The following FRMD3 variants were observed in gnomAD, a reference collection of about 807,000 sequenced individuals.
FRMD3 encodes the protein FERM domain-containing protein 3.
In FRMD3, 33 loss-of-function variants were observed where a neutral mutation model predicts 70.2. The ratio of observed to expected loss-of-function variants is 0.47; its 90% CI spans 0.36 to 0.63. FRMD3 has a LOEUF of 0.63. Ranked by LOEUF, FRMD3 falls within the 20% of genes least tolerant of loss-of-function variation. FRMD3 has a pLI of 0.00. For missense variants in FRMD3, 632 were observed against 711.4 expected, an observed-to-expected ratio of 0.89 and a Z score of 1.27; for synonymous variants, 279 against 255.9, an observed-to-expected ratio of 1.09 and a Z score of -0.86.
intron 3 of FRMD3, among the ~76,000 whole-genome samples, chr9:83,357,871 G>A (rs541159946): frequency 6.6e-6 from 1 of 152,206 alleles, no homozygotes; most frequent in African/African-American, 2.4e-5. Context: ...CCACTCTGTG[G>A]GTTGTCTGTT....
At chr9:83,306,867 G>T (rs1835154910) in intron 10 of FRMD3, among the ~76,000 whole-genome samples, 1 of 152,120 alleles carries the variant, frequency 6.6e-6, no homozygotes, top group African/African-American at 2.4e-5. Flanking sequence ...GTTTCCTTCT[G>T]GGATTGATGA....
chr9:83,256,949 G>A (rs1456812000), intron 13 of FRMD3, among the ~76,000 whole-genome samples: 1 of 152,296 alleles, frequency 6.6e-6, no homozygotes, highest in Non-Finnish European at 1.5e-5. Flanking sequence ...CAACTATTGT[G>A]GAAGACAGTG....
At position 83,483,467 on chromosome 9, in the gene FRMD3, C is replaced by T. The variant is rs146929443; in HGVS notation, c.147+54618G>A. On this transcript the variant is annotated intron_variant, in intron 1 of 13. Coordinates refer to ENST00000304195, the MANE Select transcript of FRMD3 (RefSeq NM_174938.6). ...AGCTCAGGATCTACATTTTCCACCCCGCCAGTGAGATGGCCAGCTATCTAC... is the reference window on the plus strand; with the variant it reads ...AGCTCAGGATCTACATTTTCCACCCTGCCAGTGAGATGGCCAGCTATCTAC... 4.9e-3 allele frequency among the ~76,000 whole-genome samples: 735 copies of T among 151,236 alleles called. 3 individuals are homozygous for T. Among genetic ancestry groups the T allele is most frequent in the Non-Finnish European group, 8.0e-3 (541 of 67,716 alleles).
intron 2 of FRMD3, among the ~76,000 whole-genome samples, chr9:83,386,452 C>A (rs754869984): frequency 1.3e-5 from 2 of 152,230 alleles, no homozygotes; most frequent in Non-Finnish European, 2.9e-5. Flanking sequence ...TTAAAAGTTA[C>A]GTTAAATAGA....
In FRMD3 at chr9:83,372,900, G is replaced by A. The variant is rs774621457; in HGVS notation, c.295+13C>T. ...ACATTGTAGCAAAAGTAAAGTCACA[G>A]ATTGACACTTACTTTTCATTTGCTT... is the stretch of plus-strand genomic sequence containing the variant. On this transcript the variant is annotated intron_variant, in intron 3 of 13. Coordinates refer to ENST00000304195, the MANE Select transcript of FRMD3 (RefSeq NM_174938.6). 6.2e-7 allele frequency: 1 copy of A among 1,607,058 alleles called. No homozygotes were observed. Among genetic ancestry groups the A allele is most frequent in the Middle Eastern group, 1.7e-4 (1 of 6,048 alleles).
chr9:83,461,816 T>C (rs1354311999), intron 1 of FRMD3, among the ~76,000 whole-genome samples: 1 of 151,606 alleles, frequency 6.6e-6, no homozygotes, highest in African/African-American at 2.4e-5. Flanking sequence ...GCCTCCCAAG[T>C]AACTGGGATT....
chr9:83,350,367 T>C (rs1824105566), intron 3 of FRMD3, among the ~76,000 whole-genome samples: 1 of 151,870 alleles, frequency 6.6e-6, no homozygotes, highest in Non-Finnish European at 1.5e-5. Flanking sequence ...CTCACGCCTG[T>C]AATCCCAGCA....
At chr9:83,297,313 C>T (rs11140010) in intron 12 of FRMD3, among the ~76,000 whole-genome samples, 31,172 of 152,116 alleles carry the variant, frequency 0.2, 3,278 homozygotes, top group African/African-American at 0.25. Flanking sequence ...TCCACCTCCA[C>T]TACCAGCTTC....
intron 13 of FRMD3, among the ~76,000 whole-genome samples, chr9:83,259,740 A>C (rs994771559): frequency 1.3e-5 from 2 of 152,152 alleles, no homozygotes; most frequent in African/African-American, 4.8e-5. Context: ...TGAAACTGTC[A>C]GGTCTCTATA....
intron 1 of FRMD3, among the ~76,000 whole-genome samples, chr9:83,418,704 T>C (rs1231234647): frequency 1.3e-5 from 2 of 152,180 alleles, no homozygotes; most frequent in Non-Finnish European, 2.9e-5. Context: ...GTACAACCAC[T>C]ATGGAAAACA....
chr9:83,489,794 C>T (rs1249633102), intron 1 of FRMD3, among the ~76,000 whole-genome samples: 1 of 152,180 alleles, frequency 6.6e-6, no homozygotes, highest in Non-Finnish European at 1.5e-5. Context: ...CTGTTATTCC[C>T]TGCCATTATC....
chr9:83,467,813 T>C, intron 1 of FRMD3: 1 of 1,385,186 alleles, frequency 7.2e-7, no homozygotes, highest in Non-Finnish European at 9.3e-7. Flanking sequence ...ACCAAGATCC[T>C]ATTTCCTAAT....
At chr9:83,501,551 T>A (rs1299202981) in intron 1 of FRMD3, among the ~76,000 whole-genome samples, 10 of 152,222 alleles carry the variant, frequency 6.6e-5, no homozygotes, top group Admixed American at 6.5e-4. Flanking sequence ...CTTACAGATA[T>A]AATTACCTAC....
Position 83,416,745 on chromosome 9 carries a change from GTCTCTCTCTCTCTC to G in FRMD3, c.148-27051_148-27038del, listed in dbSNP as rs1184226415. 4.9e-5 allele frequency among the ~76,000 whole-genome samples: 5 copies of G among 102,232 alleles called. 1 individual carries two copies. Among genetic ancestry groups the G allele is most frequent in the African/African-American group, 1.9e-4 (5 of 25,826 alleles). The allele number at this position is 102,232 out of a possible 152,430, so 67.1% of individuals were successfully genotyped here. A position where few individuals can be genotyped will look rare whatever the true frequency, so the allele number is the denominator to read the frequency against. The stretch of plus-strand genomic sequence containing the variant: ...GGATGTCCCTAAAACATTTCTCTCT[GTCTCTCTCTCTCTC>G]TCTCTCTCTCTCTCTCTCTCTCTCT... On this transcript the variant is annotated intron_variant, in intron 1 of 13. Transcript: ENST00000304195.
chr9:83,310,638 C>G (rs1356842091), intron 8 of FRMD3, 90 bp from the exon 9 acceptor site: 3 of 927,034 alleles, frequency 3.2e-6, no homozygotes, highest in Non-Finnish European at 5.0e-6. Flanking sequence ...CTCAAAAATG[C>G]CAGGCAGATT....
In FRMD3 at chr9:83,261,102, GACACACAC is replaced by G. The variant is rs59345002; in HGVS notation, c.1196-12594_1196-12587del. Among the ~76,000 whole-genome samples, 268 of 133,154 alleles carry G rather than the reference GACACACAC, an allele frequency of 2.0e-3. 7 individuals carry two copies. In the East Asian group the frequency reaches 0.049, roughly 24 times the overall value. The allele number at this position is 133,154 out of a possible 152,430, so 87.4% of individuals were successfully genotyped here. A position where few individuals can be genotyped will look rare whatever the true frequency, so the allele number is the denominator to read the frequency against. On this transcript the variant is annotated intron_variant, in intron 13 of 13. Transcript: ENST00000304195. ...GAAAGTATCCACAAAAGGAAACTTA[GACACACAC>G]ACACACACACACACACACACACACA...
intron 1 of FRMD3, among the ~76,000 whole-genome samples, chr9:83,419,830 ATTG>A (rs904841916): frequency 2.6e-5 from 4 of 152,226 alleles, no homozygotes; most frequent in African/African-American, 4.8e-5. Flanking sequence ...TTGTTTTACA[ATTG>A]TTGTTGTTAT....
chr9:83,324,507 C>T (rs751315238), intron 6 of FRMD3, among the ~76,000 whole-genome samples: 1 of 152,126 alleles, frequency 6.6e-6, no homozygotes. Flanking sequence ...ACATATTATA[C>T]ATTTTGTAAT....
At chr9:83,310,448 C>T (rs1194083279) in intron 9 of FRMD3, 37 bp downstream of exon 9, 3 of 1,528,018 alleles carry the variant, frequency 2.0e-6, no homozygotes, top group East Asian at 2.3e-5. Flanking sequence ...CTCATGCACA[C>T]ACAATAACAG....
Sources: allele counts gnomAD v4.1 joint callset (sites outside exome capture counted in the v4.1 genomes callset), GRCh38; gene constraint gnomAD v4.1.1; transcripts MANE v1.5; gene names NCBI Gene and HGNC (gene_info 2026-07-23, HGNC 2026-07-21).